Variants in CHRM3 observed in about 807,000 individuals in gnomAD.
CHRM3 encodes the protein cholinergic receptor muscarinic 3, also known as muscarinic acetylcholine receptor M3.
A neutral mutation model predicts 41.8 loss-of-function variants in CHRM3; 11 were observed. The observed-to-expected ratio is 0.26, with a 90% confidence interval of 0.17 to 0.44. The LOEUF (loss-of-function observed/expected upper bound fraction) is 0.44. Among genes scored for constraint, CHRM3 ranks in the 20% least tolerant of loss-of-function variants. The probability of loss-of-function intolerance (pLI) is 1.00; values close to 1 mark genes in which losing one functional copy is unlikely to be tolerated. For synonymous variants in CHRM3, 297 were observed against 301.4 expected, an observed-to-expected ratio of 0.99 and a Z score of 0.15; for missense variants, 571 against 745.4, an observed-to-expected ratio of 0.77 and a Z score of 2.72.
intron 2 of CHRM3, among the ~76,000 whole-genome samples, chr1:239,500,062 T>C (rs1668124106): frequency 6.6e-6 from 1 of 152,096 alleles, no homozygotes; most frequent in Admixed American, 6.6e-5. Flanking sequence ...GGGTTTGTCA[T>C]AGATAGCTTT....
intron 4 of CHRM3, among the ~76,000 whole-genome samples, chr1:239,649,810 G>A (rs986591382): frequency 6.6e-6 from 1 of 152,136 alleles, no homozygotes; most frequent in African/African-American, 2.4e-5. Context: ...AGATGCTGGT[G>A]GGTGAAGAGA....
intron 1 of CHRM3, among the ~76,000 whole-genome samples, chr1:239,448,294 A>C (rs1664298962): frequency 6.6e-6 from 1 of 152,180 alleles, no homozygotes; most frequent in South Asian, 2.1e-4. Context: ...TAGGTTCTGT[A>C]AGGGAGATGC....
rs181631779 is a variant in CHRM3 at position 239,794,183 on chromosome 1, G to T, written c.-146-33069G>T. On this transcript the variant is annotated intron_variant, in intron 5 of 6. Coordinates refer to ENST00000676153, the MANE Select transcript of CHRM3 (RefSeq NM_001375978.1). ...AAAATAATTTTGAGTAGAGAGTATA[G>T]AGATTAAATAAAATAAATGATATAT... is the stretch of plus-strand genomic sequence containing the variant. 3.3e-5 allele frequency among the ~76,000 whole-genome samples: 5 copies of T among 152,176 alleles called. No homozygotes were observed. In the East Asian group the frequency reaches 9.6e-4, roughly 29 times the overall value.
chr1:239,784,551 C>A (rs1434698390), intron 5 of CHRM3, among the ~76,000 whole-genome samples: 1 of 152,114 alleles, frequency 6.6e-6, no homozygotes, highest in Admixed American at 6.5e-5. Context: ...TCCCTCCTGT[C>A]CCCTATATCA....
intron 3 of CHRM3, among the ~76,000 whole-genome samples, chr1:239,591,526 C>G (rs544421805): frequency 6.6e-6 from 1 of 151,692 alleles, no homozygotes; most frequent in East Asian, 2.0e-4. Context: ...CAGCGGACTG[C>G]TTAGGAAGTG....
chr1:239,780,299 T>C (rs10925975), intron 5 of CHRM3, among the ~76,000 whole-genome samples: 16,986 of 152,292 alleles, frequency 0.11, 1,227 homozygotes, highest in East Asian at 0.39. Context: ...TTTGGTGTTC[T>C]CAGTGTTCTG....
chr1:239,526,312 T>G (rs1340097063), intron 2 of CHRM3, among the ~76,000 whole-genome samples: 1 of 152,232 alleles, frequency 6.6e-6, no homozygotes, highest in East Asian at 1.9e-4. Context: ...TTTTCTGATC[T>G]GTTTCCCTGT....
chr1:239,730,345 C>T (rs1018242156), intron 5 of CHRM3: 12 of 152,070 alleles, frequency 7.9e-5, no homozygotes, highest in African/African-American at 2.4e-4. Context: ...GTCAAAGACA[C>T]AGACTCCATC....
At chr1:239,734,013 C>T (rs527290806) in intron 5 of CHRM3, among the ~76,000 whole-genome samples, 23 of 152,194 alleles carry the variant, frequency 1.5e-4, no homozygotes, top group Non-Finnish European at 2.5e-4. Context: ...CACACTTTTA[C>T]GCAATGTGGA....
intron 6 of CHRM3, among the ~76,000 whole-genome samples, chr1:239,862,928 G>A (rs1365479857): frequency 6.6e-6 from 1 of 152,214 alleles, no homozygotes; most frequent in African/African-American, 2.4e-5. Flanking sequence ...GGAAGCTTGA[G>A]ATGAAAGATA....
intron 1 of CHRM3, among the ~76,000 whole-genome samples, chr1:239,469,141 C>T (rs1020637833): frequency 6.6e-6 from 1 of 152,014 alleles, no homozygotes; most frequent in Non-Finnish European, 1.5e-5. Context: ...ATTTATTCAA[C>T]CTGGGTCTCG....
intron 4 of CHRM3, among the ~76,000 whole-genome samples, chr1:239,641,068 A>G (rs1671086729): frequency 6.6e-6 from 1 of 152,112 alleles, no homozygotes; most frequent in African/African-American, 2.4e-5. Flanking sequence ...AATGTAGGTG[A>G]GCGGTTTTGC....
intron 1 of CHRM3, among the ~76,000 whole-genome samples, chr1:239,412,001 C>T (rs77474584): frequency 0.022 from 3,374 of 151,538 alleles, 101 homozygotes; most frequent in African/African-American, 0.064. Context: ...TTATTTCCTA[C>T]TCTAGAAAAT....
chr1:239,900,140 T>A (rs985250122), intron 6 of CHRM3, among the ~76,000 whole-genome samples: 3 of 152,132 alleles, frequency 2.0e-5, no homozygotes, highest in Non-Finnish European at 4.4e-5. Context: ...AATATCCTAA[T>A]GCTATGGAAT....
chr1:239,759,695 G>A (rs75883202), intron 5 of CHRM3, among the ~76,000 whole-genome samples: 9,429 of 152,174 alleles, frequency 0.062, 716 homozygotes, highest in African/African-American at 0.17. Context: ...GTCATGCCAA[G>A]TTTTGCCCAT....
chr1:239,899,160 A>G (rs1427681658), intron 6 of CHRM3, among the ~76,000 whole-genome samples: 1 of 152,074 alleles, frequency 6.6e-6, no homozygotes, highest in Non-Finnish European at 1.5e-5. Context: ...TAATGAAGTG[A>G]TATTGATTGT....
At chr1:239,441,412 G>A (rs556363153) in intron 1 of CHRM3, among the ~76,000 whole-genome samples, 1 of 152,188 alleles carries the variant, frequency 6.6e-6, no homozygotes, top group African/African-American at 2.4e-5. Flanking sequence ...CCCTATAAAA[G>A]GTCAGAGGGT....
At chr1:239,399,109 A>G (rs1450023446) in intron 1 of CHRM3, among the ~76,000 whole-genome samples, 2 of 152,224 alleles carry the variant, frequency 1.3e-5, no homozygotes, top group African/African-American at 4.8e-5. Context: ...TCCTGAAGAA[A>G]GAACAGGTAA....
chr1:239,680,926 G>A (rs796525188), intron 5 of CHRM3, among the ~76,000 whole-genome samples: 29 of 152,174 alleles, frequency 1.9e-4, no homozygotes, highest in African/African-American at 6.3e-4. Flanking sequence ...AAGAAAAAGG[G>A]GTTTAATTGG....
Sources: allele counts gnomAD v4.1 joint callset (sites outside exome capture counted in the v4.1 genomes callset), GRCh38; gene constraint gnomAD v4.1.1; transcripts MANE v1.5; gene names NCBI Gene and HGNC (gene_info 2026-07-23, HGNC 2026-07-21).